The following C2orf76 variants were observed in gnomAD, a reference collection of about 807,000 sequenced individuals.
C2orf76 encodes the protein chromosome 2 open reading frame 76.
A neutral mutation model predicts 16.9 loss-of-function variants in C2orf76; 23 were observed. The ratio of observed to expected loss-of-function variants is 1.36; its 90% confidence interval spans 0.98 to 1.93. The LOEUF (loss-of-function observed/expected upper bound fraction) is 1.93. Ranked by LOEUF, C2orf76 falls within the 30% of genes most tolerant of loss-of-function variation. The pLI is 0.00. For synonymous variants in C2orf76, 48 were observed against 52.3 expected (o/e 0.92, Z 0.35); for missense variants, 152 against 152.6 (o/e 1.00, Z 0.02).
upstream of C2orf76, chr2:119,366,841 A>T: frequency 3.1e-6 from 2 of 635,838 alleles, no homozygotes; most frequent in Non-Finnish European, 5.4e-6. Context: ...AAGCGGTCCC[A>T]CGTGGGCTCG....
chr2:119,331,468 A>G (rs1482685648), intron 2 of C2orf76, among the ~76,000 whole-genome samples: 1 of 152,192 alleles, frequency 6.6e-6, no homozygotes, highest in Non-Finnish European at 1.5e-5. Flanking sequence ...GCACTGATCC[A>G]TACACAACTG....
At chr2:119,356,534 T>C (rs1310629639) in intron 1 of C2orf76, among the ~76,000 whole-genome samples, 1 of 150,716 alleles carries the variant, frequency 6.6e-6, no homozygotes. Context: ...AATGTATAAA[T>C]GCATAAATTA....
At chr2:119,361,965 C>T (rs559236029) in intron 1 of C2orf76, among the ~76,000 whole-genome samples, 7 of 152,230 alleles carry the variant, frequency 4.6e-5, no homozygotes, top group African/African-American at 1.7e-4. Flanking sequence ...AGGATTATAC[C>T]TCACTGCAGC....
At chr2:119,309,451 GGCTGGAGTGCTGT>G (rs1678912312) in intron 5 of C2orf76, among the ~76,000 whole-genome samples, 1 of 125,458 alleles carries the variant, frequency 8.0e-6, no homozygotes, top group African/African-American at 3.6e-5. Flanking sequence ...CTGTTGCCCA[GGCTGGAGTGCTGT>G]GCTGGAGTGC....
downstream of C2orf76, among the ~76,000 whole-genome samples, chr2:119,301,650 T>G (rs1032638488): frequency 6.6e-6 from 1 of 152,166 alleles, no homozygotes; most frequent in African/African-American, 2.4e-5. Context: ...CTGAAAGGCC[T>G]CTGAAATAAG....
intron 1 of C2orf76, among the ~76,000 whole-genome samples, chr2:119,347,627 C>T (rs548513271): frequency 2.0e-5 from 3 of 152,164 alleles, no homozygotes; most frequent in African/African-American, 7.2e-5. Flanking sequence ...AATCCCAGCA[C>T]TTAGGAGGCC....
the C2orf76 span, among the ~76,000 whole-genome samples, chr2:119,282,681 A>G: frequency 6.6e-6 from 1 of 152,262 alleles, no homozygotes; most frequent in Non-Finnish European, 1.5e-5. Flanking sequence ...AAGAGGATTA[A>G]GCGGGGTGTT....
chr2:119,304,734 T>G (rs1170928845), intron 5 of C2orf76, among the ~76,000 whole-genome samples: 1 of 152,210 alleles, frequency 6.6e-6, no homozygotes, highest in Non-Finnish European at 1.5e-5. Flanking sequence ...GGTTTTAAAT[T>G]TTAGTAATGT....
intron 4 of C2orf76, among the ~76,000 whole-genome samples, chr2:119,314,022 T>G (rs1212682392): frequency 2.7e-5 from 4 of 148,550 alleles, no homozygotes; most frequent in Non-Finnish European, 6.0e-5. Context: ...TGGTTTTTTT[T>G]TTTTTTTTTT....
intron 1 of C2orf76, among the ~76,000 whole-genome samples, chr2:119,354,814 A>C (rs1385841440): frequency 6.6e-6 from 1 of 152,246 alleles, no homozygotes; most frequent in Non-Finnish European, 1.5e-5. Context: ...TTTAGGTAAC[A>C]CAATAGGTAC....
chr2:119,320,893 T>C (rs1463956165), intron 3 of C2orf76, among the ~76,000 whole-genome samples: 2 of 152,128 alleles, frequency 1.3e-5, no homozygotes, highest in African/African-American at 4.8e-5. Flanking sequence ...TAGTCTTCAA[T>C]CATTTTTCCT....
intron 1 of C2orf76, among the ~76,000 whole-genome samples, chr2:119,356,572 C>T (rs763414203): frequency 6.6e-5 from 10 of 151,368 alleles, no homozygotes; most frequent in Non-Finnish European, 1.3e-4. Flanking sequence ...AGTCAATAAT[C>T]TAAGCTCCCA....
chr2:119,330,163 C>G (rs1482956196), intron 2 of C2orf76, among the ~76,000 whole-genome samples: 3 of 152,080 alleles, frequency 2.0e-5, no homozygotes, highest in Admixed American at 2.0e-4. Context: ...CACTTGAGGT[C>G]AGGATTTCGA....
intron 1 of C2orf76, among the ~76,000 whole-genome samples, chr2:119,343,486 A>ACG (rs1317520710): frequency 6.7e-6 from 1 of 149,132 alleles, no homozygotes; most frequent in Non-Finnish European, 1.5e-5. Context: ...ACACACACAC[A>ACG]CACACACACA....
the C2orf76 span, among the ~76,000 whole-genome samples, chr2:119,289,810 GC>G: frequency 6.6e-6 from 1 of 151,906 alleles, no homozygotes; most frequent in Non-Finnish European, 1.5e-5. Flanking sequence ...CCCGCTCGTA[GC>G]CCCAACTCAG....
the C2orf76 span, among the ~76,000 whole-genome samples, chr2:119,294,052 G>A: frequency 3.3e-5 from 5 of 152,140 alleles, no homozygotes; most frequent in South Asian, 1.0e-3. Context: ...CTGGGAGCAC[G>A]CATGAGGTCA....
intron 1 of C2orf76, among the ~76,000 whole-genome samples, chr2:119,362,213 A>G (rs1381909765): frequency 6.6e-6 from 1 of 152,244 alleles, no homozygotes; most frequent in Non-Finnish European, 1.5e-5. Flanking sequence ...TTAAAAATAC[A>G]GTAAATAATA....
At chr2:119,352,353 G>A (rs777765856) in intron 1 of C2orf76, among the ~76,000 whole-genome samples, 8 of 152,192 alleles carry the variant, frequency 5.3e-5, no homozygotes, top group Non-Finnish European at 1.2e-4. Context: ...AAAAGGGAAG[G>A]TTCTAACCAC....
chr2:119,289,831 GGTA>G, the C2orf76 span, among the ~76,000 whole-genome samples: 4 of 151,908 alleles, frequency 2.6e-5, no homozygotes, highest in Non-Finnish European at 4.4e-5. Flanking sequence ...GCCCTCTGCC[GGTA>G]GTAGTTCTCT....
Sources: allele counts gnomAD v4.1 joint callset (sites outside exome capture counted in the v4.1 genomes callset), GRCh38; gene constraint gnomAD v4.1.1; transcripts MANE v1.5; gene names NCBI Gene and HGNC (gene_info 2026-07-23, HGNC 2026-07-21).